BCAR3: variants seen among roughly 807,000 people sequenced by gnomAD.
The protein encoded by BCAR3 is BCAR3 adaptor protein, NSP family member, also known as breast cancer anti-estrogen resistance protein 3.
Under a neutral mutation model 80.1 loss-of-function variants are expected in BCAR3, and 37 were observed. The observed-to-expected ratio is 0.46, with a 90% CI of 0.36 to 0.61. BCAR3 has a LOEUF of 0.61. Among genes scored for constraint, BCAR3 ranks in the 20% least tolerant of loss-of-function variants. The pLI, the probability that BCAR3 is intolerant of heterozygous loss-of-function variation, is 0.00. For missense variants in BCAR3, 978 were observed against 1,068.2 expected (o/e 0.92, Z 1.18); for synonymous variants, 389 against 418.9 (o/e 0.93, Z 0.87).
At chr1:93,665,769 T>A (rs569889282) in intron 2 of BCAR3, among the ~76,000 whole-genome samples, 63 of 152,244 alleles carry the variant, frequency 4.1e-4, no homozygotes, top group African/African-American at 1.3e-3. Flanking sequence ...AAGTCCTGAT[T>A]CTCAGCAATC....
chr1:93,781,022 G>A (rs1431815914), intron 2 of BCAR3, among the ~76,000 whole-genome samples: 1 of 152,224 alleles, frequency 6.6e-6, no homozygotes, highest in Non-Finnish European at 1.5e-5. Context: ...GGGAGGGCCA[G>A]TAGGAAAAGA....
chr1:93,712,784 C>T (rs928595152), intron 2 of BCAR3, among the ~76,000 whole-genome samples: 1 of 152,324 alleles, frequency 6.6e-6, no homozygotes, highest in Non-Finnish European at 1.5e-5. Context: ...TTCACATAAC[C>T]TCTTCATGGC....
chr1:93,661,225 G>C (rs1255054817), intron 2 of BCAR3, among the ~76,000 whole-genome samples: 1 of 152,176 alleles, frequency 6.6e-6, no homozygotes, highest in Non-Finnish European at 1.5e-5. Flanking sequence ...TTTTAGTAGA[G>C]ACGGGGTTTC....
chr1:93,749,373 G>T (rs1399911016), intron 2 of BCAR3, among the ~76,000 whole-genome samples: 1 of 151,948 alleles, frequency 6.6e-6, no homozygotes, highest in African/African-American at 2.4e-5. Flanking sequence ...CGGATCATGA[G>T]GTCACGAGAT....
In BCAR3 at chr1:93,824,390, G is replaced by A. The variant is rs576469331; in HGVS notation, c.-63+21177C>T. Among the ~76,000 whole-genome samples the A allele has an allele frequency of 9.0e-5, 12 of 133,766 alleles. 3 individuals are homozygous for A. Among genetic ancestry groups the A allele is most frequent in the East Asian group, 5.8e-4 (2 of 3,424 alleles). The allele number at this position is 133,766 out of a possible 152,430, so 87.8% of individuals were successfully genotyped here. A position where few individuals can be genotyped will look rare whatever the true frequency, so the allele number is the denominator to read the frequency against. On this transcript the variant is annotated intron_variant, in intron 2 of 13. Coordinates refer to the BCAR3 transcript ENST00000370244. ...ACTGAACACACAGGTCAGGGGCCAG[G>A]AGCAGGTGCTCATCCATCCATGGCT...
rs1648380754 is a variant in BCAR3, at chr1:93,674,685, G to A, written c.246C>T (p.Asn82=). Residue 82 remains asparagine (N), a synonymous_variant, in exon 2 of 12, where the codon AAC becomes AAT. Transcript: ENST00000260502. ...TLPHSKSPRQ[N]SPVTQDGIQE... ...GGATGCCATCCTGGGTCACAGGCGA[G>A]TTCTGCCGTGGGGATTTGGAGTGGG... 6.2e-7 allele frequency: 1 copy of A among 1,613,984 alleles called. No homozygotes were observed. Among genetic ancestry groups the A allele is most frequent in the African/African-American group, 1.3e-5 (1 of 74,928 alleles).
chr1:93,697,995 C>CA (rs1450616003), intron 3 of BCAR3, among the ~76,000 whole-genome samples: 4 of 151,966 alleles, frequency 2.6e-5, no homozygotes, highest in Admixed American at 1.3e-4. Context: ...AAAACAAAAA[C>CA]AAAAAAACAA....
At chr1:93,599,968 C>T (rs1674567741) in intron 3 of BCAR3, among the ~76,000 whole-genome samples, 1 of 152,166 alleles carries the variant, frequency 6.6e-6, no homozygotes, top group African/African-American at 2.4e-5. Flanking sequence ...GTTTCCCTAC[C>T]TCCCATTTCT....
chr1:93,656,449 T>C (rs527897580), intron 2 of BCAR3, among the ~76,000 whole-genome samples: 1 of 152,258 alleles, frequency 6.6e-6, no homozygotes, highest in African/African-American at 2.4e-5. Context: ...TTGGGTTTTA[T>C]ATTTTTATTG....
intron 3 of BCAR3, among the ~76,000 whole-genome samples, chr1:93,697,941 G>T (rs937270184): frequency 5.3e-5 from 8 of 152,178 alleles, no homozygotes; most frequent in African/African-American, 1.9e-4. Context: ...TCGTGCCATT[G>T]CACTCCAGCC....
intron 8 of BCAR3, among the ~76,000 whole-genome samples, chr1:93,574,723 C>T (rs973782256): frequency 2.0e-5 from 3 of 152,112 alleles, no homozygotes; most frequent in African/African-American, 4.8e-5. Flanking sequence ...CTAGTGGAGC[C>T]GGGAGGTCAG....
chr1:93,657,728 CA>C (rs35976570), intron 2 of BCAR3, among the ~76,000 whole-genome samples: 6,507 of 129,928 alleles, frequency 0.05, 200 homozygotes, highest in East Asian at 0.091. Flanking sequence ...GTATGGCCCA[CA>C]AAAAAAAAAA....
In BCAR3 at chr1:93,765,769, C is replaced by T. The variant is rs371819185; in HGVS notation, c.-62-59627G>A. On this transcript the variant is annotated intron_variant, in intron 2 of 13. Transcript: ENST00000370244. The stretch of plus-strand genomic sequence containing the variant: ...GCAACCTCCGCCTCCCAGGTTCAAG[C>T]GATTCTCCTGCCTCAGCCTCCTGAG... 3.8e-3 allele frequency among the ~76,000 whole-genome samples: 570 copies of T among 151,786 alleles called. 5 individuals carry two copies. Among genetic ancestry groups the T allele is most frequent in the Non-Finnish European group, 6.5e-3 (439 of 67,962 alleles).
In BCAR3 at chr1:93,562,039, T is replaced by C. The variant is rs1045589244; in HGVS notation, c.*202A>G. On this transcript the variant is annotated 3_prime_UTR_variant, in exon 12 of 12. Coordinates refer to ENST00000260502, the MANE Select transcript of BCAR3 (RefSeq NM_003567.4). The stretch of plus-strand genomic sequence containing the variant: ...CAGTAGTTACCTTAATAATAAATTA[T>C]TCATTTTAAAATCAGTAGTAACTTT... 9.0e-6 allele frequency: 4 copies of C among 444,066 alleles called. No homozygotes were observed. The highest frequency in any genetic ancestry group is 4.2e-5 in the Admixed American group (1 of 23,982). 27.5% of individuals were successfully genotyped at this position (444,066 alleles called of 1,614,324 possible).
rs59798936 is a variant in BCAR3, at chr1:93,769,355, A to ATGTGTGTG, written c.-62-63221_-62-63214dup. Among the ~76,000 whole-genome samples, 917 of 119,892 alleles carry ATGTGTGTG rather than the reference A, an allele frequency of 7.6e-3. 16 individuals are homozygous for ATGTGTGTG. Among genetic ancestry groups the ATGTGTGTG allele is most frequent in the African/African-American group, 0.015 (477 of 31,488 alleles). 78.7% of individuals were successfully genotyped at this position (119,892 alleles called of 152,430 possible). A position where few individuals can be genotyped will look rare whatever the true frequency, so the allele number is the denominator to read the frequency against. On this transcript the variant is annotated intron_variant, in intron 2 of 13. Coordinates refer to the BCAR3 transcript ENST00000370244. ...TTTAGGACTAAATATGTGGGTAGGA[A>ATGTGTGTG]TGTGTGTGTGTGTGTGTGTGTGTGT... is the stretch of plus-strand genomic sequence containing the variant.
chr1:93,601,128 C>A (rs1674608641), intron 3 of BCAR3, among the ~76,000 whole-genome samples: 1 of 152,178 alleles, frequency 6.6e-6, no homozygotes, highest in African/African-American at 2.4e-5. Flanking sequence ...GGACCTGATG[C>A]AGGTAAAGCA....
chr1:93,642,172 T>A, intron 3 of BCAR3, 132 bp downstream of exon 3: 1 of 1,020,092 alleles, frequency 9.8e-7, no homozygotes, highest in Admixed American at 1.9e-5. Context: ...TCAAATTTCC[T>A]CCCTGTTGTT....
intron 3 of BCAR3, among the ~76,000 whole-genome samples, chr1:93,609,464 CT>C (rs1266748391): frequency 2.6e-5 from 4 of 152,188 alleles, no homozygotes; most frequent in African/African-American, 9.7e-5. Flanking sequence ...TAATTCCCGT[CT>C]CTTAGGTTCC....
At chr1:93,678,659 G>A (rs965721867) in intron 1 of BCAR3, among the ~76,000 whole-genome samples, 5 of 152,198 alleles carry the variant, frequency 3.3e-5, no homozygotes, top group African/African-American at 9.7e-5. Flanking sequence ...TTGTAAGCAC[G>A]CTAAGGAATA....
Sources: allele counts gnomAD v4.1 joint callset (sites outside exome capture counted in the v4.1 genomes callset), GRCh38; gene constraint gnomAD v4.1.1; transcripts MANE v1.5; gene names NCBI Gene and HGNC (gene_info 2026-07-23, HGNC 2026-07-21).